Variants in LDLRAD4 observed in about 807,000 individuals in gnomAD.
LDLRAD4 encodes low-density lipoprotein receptor class A domain-containing protein 4.
Under a neutral mutation model 17.0 loss-of-function variants are expected in LDLRAD4, and 5 were observed. That is an observed-to-expected ratio of 0.29 (90% CI 0.15 to 0.62). The LOEUF (loss-of-function observed/expected upper bound fraction) is 0.62, where lower values mean the gene tolerates loss of function less well. LDLRAD4 is among the 20% of genes least tolerant of loss of function. LDLRAD4 has a pLI of 0.84. For synonymous variants in LDLRAD4, 168 were observed against 171.8 expected (o/e 0.98, Z 0.17); for missense variants, 340 against 424.7 (o/e 0.80, Z 1.75).
intron 1 of LDLRAD4, among the ~76,000 whole-genome samples, chr18:13,355,189 A>T (rs1463917516): frequency 6.6e-6 from 1 of 152,208 alleles, no homozygotes; most frequent in African/African-American, 2.4e-5. Context: ...TGTTTTTGTG[A>T]TGTTTAATCA....
intron 1 of LDLRAD4, among the ~76,000 whole-genome samples, chr18:13,322,596 C>T (rs868535994): frequency 1.1e-4 from 17 of 150,752 alleles, no homozygotes; most frequent in Admixed American, 6.0e-4. Context: ...CACTACACCT[C>T]GCCTGTCATC....
At chr18:13,542,796 G>A (rs1273915355) in intron 3 of LDLRAD4, 1 of 152,218 alleles carries the variant, frequency 6.6e-6, no homozygotes, top group African/African-American at 2.4e-5. Context: ...TTCCATGGAG[G>A]GCTGTTTCGA....
At chr18:13,643,326 T>TC (rs1291604156) in intron 4 of LDLRAD4, 33 bp from the exon 6 acceptor site, 8 of 1,408,046 alleles carry the variant, frequency 5.7e-6, no homozygotes, top group African/African-American at 1.5e-5. Flanking sequence ...TGTTTCTTGT[T>TC]CCCCCCACTC....
At chr18:13,514,037 C>T (rs1382061806) in intron 3 of LDLRAD4, among the ~76,000 whole-genome samples, 1 of 152,166 alleles carries the variant, frequency 6.6e-6, no homozygotes, top group Non-Finnish European at 1.5e-5. Flanking sequence ...TTGCCTCTTG[C>T]CAGGAAGTTG....
intron 4 of LDLRAD4, among the ~76,000 whole-genome samples, chr18:13,625,013 C>T (rs1002461386): frequency 2.6e-5 from 4 of 152,194 alleles, no homozygotes; most frequent in Non-Finnish European, 5.9e-5. Context: ...TCCTGCAGCA[C>T]CCGAGGCCCT....
At chr18:13,484,713 C>T (rs1174929730) in intron 3 of LDLRAD4, among the ~76,000 whole-genome samples, 2 of 152,162 alleles carry the variant, frequency 1.3e-5, no homozygotes, top group African/African-American at 4.8e-5. Flanking sequence ...ATCTGACTCC[C>T]CCTGCCCCCA....
At chr18:13,447,895 C>T (rs905449342) in intron 3 of LDLRAD4, among the ~76,000 whole-genome samples, 2 of 152,114 alleles carry the variant, frequency 1.3e-5, no homozygotes, top group South Asian at 2.1e-4. Context: ...AATGAGACGC[C>T]GGCTTAAGTA....
At chr18:13,454,421 G>A (rs2092011208) in intron 3 of LDLRAD4, among the ~76,000 whole-genome samples, 1 of 152,206 alleles carries the variant, frequency 6.6e-6, no homozygotes, top group African/African-American at 2.4e-5. Flanking sequence ...CTGGCTTGCA[G>A]TGCTGTCTTC....
intron 3 of LDLRAD4, among the ~76,000 whole-genome samples, chr18:13,457,857 G>A (rs1003395425): frequency 6.6e-6 from 1 of 152,192 alleles, no homozygotes; most frequent in Non-Finnish European, 1.5e-5. Flanking sequence ...GTGGTGGTAA[G>A]CTCCATGAAG....
At chr18:13,583,794 T>A (rs1268383096) in intron 3 of LDLRAD4, among the ~76,000 whole-genome samples, 3 of 151,360 alleles carry the variant, frequency 2.0e-5, no homozygotes, top group Non-Finnish European at 4.4e-5. Context: ...GCTGGCGGAG[T>A]CTTATTGTTG....
intron 2 of LDLRAD4, among the ~76,000 whole-genome samples, chr18:13,413,346 G>A (rs1015427448): frequency 6.6e-6 from 1 of 152,176 alleles, no homozygotes; most frequent in African/African-American, 2.4e-5. Flanking sequence ...CGTAAATTCC[G>A]GCTATTTTGT....
rs376344337 is a variant in LDLRAD4, at chr18:13,533,163, C to G, written c.182-87954C>G. Among the ~76,000 whole-genome samples the G allele has an allele frequency of 1.8e-4, 28 of 152,276 alleles. No individual in the cohort carries two copies. The East Asian group carries it at 1.9e-3, about 10-fold the overall frequency. On this transcript the variant is annotated intron_variant, in intron 3 of 5. Transcript: ENST00000359446. ...ACAAGGTCCCTGCCCCTCACAGCAA[C>G]CATCTAGTGATGGGCTCAAGTCACA...
chr18:13,229,132 T>G (rs2041946812), intron 1 of LDLRAD4, among the ~76,000 whole-genome samples: 1 of 152,228 alleles, frequency 6.6e-6, no homozygotes. Context: ...GCGTCCAGGC[T>G]GCAGCGCCAG....
chr18:13,346,024 A>C (rs1337223281), intron 1 of LDLRAD4, among the ~76,000 whole-genome samples: 4 of 152,124 alleles, frequency 2.6e-5, no homozygotes, highest in Non-Finnish European at 5.9e-5. Flanking sequence ...TCTTTTCAAA[A>C]AACCAGCTCC....
intron 3 of LDLRAD4, among the ~76,000 whole-genome samples, chr18:13,460,200 GT>G (rs199893452): frequency 3.2e-4 from 48 of 151,848 alleles, no homozygotes; most frequent in Non-Finnish European, 6.0e-4. Flanking sequence ...CTTTTATTTT[GT>G]TTTTTTTAAG....
At chr18:13,451,118 A>C (rs1423800050) in intron 3 of LDLRAD4, among the ~76,000 whole-genome samples, 1 of 152,214 alleles carries the variant, frequency 6.6e-6, no homozygotes, top group Admixed American at 6.5e-5. Flanking sequence ...TTACGTGACC[A>C]CTTCAAGGTC....
chr18:13,375,685 T>C lies in LDLRAD4; in HGVS notation c.-382-11656T>C, dbSNP rs992513860. Among the ~76,000 whole-genome samples, 4 of 152,318 alleles carry C rather than the reference T, an allele frequency of 2.6e-5. No homozygotes were observed. In the East Asian group the frequency reaches 7.7e-4, roughly 29 times the overall value. ...AGTGAATGCTCTGAGTGTTCAGTTA[T>C]GGAGTGGAGTTTACTGGGGCAATCA... On this transcript the variant is annotated intron_variant, in intron 1 of 5. Coordinates refer to ENST00000359446, the Ensembl canonical transcript of LDLRAD4.
chr18:13,273,736 G>C (rs983613468), upstream of LDLRAD4, among the ~76,000 whole-genome samples: 2 of 152,196 alleles, frequency 1.3e-5, no homozygotes, highest in Non-Finnish European at 2.9e-5. Flanking sequence ...ACCTTAGAGA[G>C]TGAGAACACC....
At chr18:13,528,761 A>G (rs1383125946) in intron 3 of LDLRAD4, among the ~76,000 whole-genome samples, 3 of 152,164 alleles carry the variant, frequency 2.0e-5, no homozygotes, top group East Asian at 1.9e-4. Flanking sequence ...CTGCAGTAAC[A>G]CCCGTGGTTC....
Sources: gnomAD v4.1 joint callset for allele counts (sites outside exome capture counted in the v4.1 genomes callset) on GRCh38, gnomAD v4.1.1 for gene constraint, MANE v1.5 for transcripts, NCBI Gene and HGNC (gene_info 2026-07-23, HGNC 2026-07-21) for gene names.